NSMCE2: variants seen among roughly 807,000 people sequenced by gnomAD.
NSMCE2 encodes E3 SUMO-protein ligase NSE2.
A neutral mutation model predicts 23.8 loss-of-function variants in NSMCE2; 24 were observed. The ratio of observed to expected loss-of-function variants is 1.01; its 90% CI spans 0.73 to 1.42. The LOEUF is 1.42. Ranked by LOEUF, NSMCE2 falls within the 40% of genes most tolerant of loss-of-function variation. The pLI, the probability that NSMCE2 is intolerant of heterozygous loss-of-function variation, is 0.00. For missense variants in NSMCE2, 284 were observed against 296.5 expected (o/e 0.96, Z 0.31); for synonymous variants, 92 against 94.1 (o/e 0.98, Z 0.13).
At chr8:125,151,330 G>A in intron 4 of NSMCE2, 53 bp downstream of exon 4, 1 of 882,796 alleles carries the variant, frequency 1.1e-6, no homozygotes. Flanking sequence ...CACTGACCGA[G>A]AAGTAGAAAC....
intron 3 of NSMCE2, among the ~76,000 whole-genome samples, chr8:125,106,355 A>G (rs886133298): frequency 6.6e-6 from 1 of 152,174 alleles, no homozygotes; most frequent in Non-Finnish European, 1.5e-5. Context: ...GGTGAACACA[A>G]ATTTTTCAAA....
intron 5 of NSMCE2, among the ~76,000 whole-genome samples, chr8:125,205,085 TACCTGTAG>T (rs1824060552): frequency 1.3e-5 from 2 of 152,224 alleles, no homozygotes; most frequent in South Asian, 4.1e-4. Flanking sequence ...GTGTTCTCTT[TACCTGTAG>T]ACTTTCACTC....
intron 5 of NSMCE2, among the ~76,000 whole-genome samples, chr8:125,213,028 T>C (rs977845204): frequency 3.3e-5 from 5 of 152,216 alleles, no homozygotes; most frequent in African/African-American, 9.7e-5. Context: ...CCAAAAATTA[T>C]ATTGAGCAGT....
chr8:125,303,797 T>C (rs1344679565), intron 5 of NSMCE2, among the ~76,000 whole-genome samples: 2 of 152,204 alleles, frequency 1.3e-5, no homozygotes, highest in Non-Finnish European at 2.9e-5. Flanking sequence ...CCTCAGTTGC[T>C]CTCAGCTTCC....
chr8:125,206,538 A>G (rs17401491), intron 5 of NSMCE2, among the ~76,000 whole-genome samples: 4,355 of 152,332 alleles, frequency 0.029, 92 homozygotes, highest in Non-Finnish European at 0.045. Flanking sequence ...GAAGTGTTGT[A>G]GAAGTAGTAT....
intron 3 of NSMCE2, among the ~76,000 whole-genome samples, chr8:125,115,918 G>A (rs1329530316): frequency 6.6e-6 from 1 of 152,120 alleles, no homozygotes; most frequent in African/African-American, 2.4e-5. Context: ...CACTGAAAGA[G>A]GTCAATATCC....
chr8:125,201,429 C>A (rs770701678), intron 5 of NSMCE2, among the ~76,000 whole-genome samples: 1 of 152,186 alleles, frequency 6.6e-6, no homozygotes, highest in South Asian at 2.1e-4. Context: ...CAATCAGGTC[C>A]CTCAGCTGCA....
intron 5 of NSMCE2, among the ~76,000 whole-genome samples, chr8:125,238,384 T>C (rs1825640290): frequency 6.6e-6 from 1 of 152,214 alleles, no homozygotes; most frequent in South Asian, 2.1e-4. Context: ...GTTCAGCTTA[T>C]CTATGAATAT....
intron 5 of NSMCE2, among the ~76,000 whole-genome samples, chr8:125,351,837 C>A (rs1434695483): frequency 6.6e-6 from 1 of 151,712 alleles, no homozygotes; most frequent in Non-Finnish European, 1.5e-5. Flanking sequence ...ATGGTGAAAC[C>A]CCCATCTCTA....
At chr8:125,105,249 T>C (rs1414335947) in intron 3 of NSMCE2, among the ~76,000 whole-genome samples, 2 of 152,242 alleles carry the variant, frequency 1.3e-5, no homozygotes, top group Non-Finnish European at 2.9e-5. Context: ...TCATAATCTT[T>C]TTAGTGGGTG....
rs1427784743 is a variant in NSMCE2, at chr8:125,102,408, C to A, written c.78C>A (p.Ser26=). 6.2e-7 allele frequency: 1 copy of A among 1,613,418 alleles called. No homozygotes were observed. The highest frequency in any genetic ancestry group is 1.7e-5 in the Admixed American group (1 of 60,020). ...SFSGVESALS[S]LKNFQACINS... The stretch of plus-strand genomic sequence containing the variant: ...GTGGTGTAGAGTCTGCTCTCTCCTC[C>A]TTGAAAAACTTCCAAGCCTGTATCA... The change falls in exon 3 of 8, where the codon TCC becomes TCA. Residue 26 remains serine (S), a synonymous_variant. Transcript: ENST00000287437.
chr8:125,094,842 CCTTTT>C (rs201429577), intron 1 of NSMCE2, among the ~76,000 whole-genome samples: 1,844 of 152,218 alleles, frequency 0.012, 18 homozygotes, highest in Admixed American at 0.02. Flanking sequence ...GGCGTCTCTT[CCTTTT>C]CTTTTCTTTT....
intron 3 of NSMCE2, among the ~76,000 whole-genome samples, chr8:125,124,470 T>TTCTCTCTCTCTCTCTCTC (rs376240525): frequency 9.6e-4 from 141 of 146,300 alleles, no homozygotes; most frequent in African/African-American, 3.4e-3. Context: ...TCCTCAGGAT[T>TTCTCTCTCTCTCTCTCTC]TCTCTCTCTC....
chr8:125,226,678 A>G (rs1340255802), intron 5 of NSMCE2, among the ~76,000 whole-genome samples: 1 of 152,178 alleles, frequency 6.6e-6, no homozygotes, highest in Non-Finnish European at 1.5e-5. Flanking sequence ...GAATGAAAAC[A>G]TGATTTGGGT....
intron 5 of NSMCE2, among the ~76,000 whole-genome samples, chr8:125,220,084 G>C (rs922273853): frequency 1.3e-5 from 2 of 152,188 alleles, no homozygotes; most frequent in African/African-American, 4.8e-5. Flanking sequence ...TGGCTTTTTA[G>C]ATGTATTGCA....
Position 125,356,622 on chromosome 8 carries a change from C to T in NSMCE2, c.419-597C>T, listed in dbSNP as rs971531124. On this transcript the variant is annotated intron_variant, in intron 5 of 7. Coordinates refer to ENST00000287437, the MANE Select transcript of NSMCE2 (RefSeq NM_173685.4). ...GATTAAAGGCGTGAGCCACCGCAAC[C>T]GGCCTTATTGTTATTTTTTAATGAA... is the stretch of plus-strand genomic sequence containing the variant. 4.6e-5 allele frequency among the ~76,000 whole-genome samples: 7 copies of T among 152,080 alleles called. No homozygotes were observed. In the South Asian group the frequency reaches 6.2e-4, roughly 13 times the overall value.
At chr8:125,195,024 C>T (rs1362763030) in intron 5 of NSMCE2, among the ~76,000 whole-genome samples, 1 of 151,968 alleles carries the variant, frequency 6.6e-6, no homozygotes, top group Non-Finnish European at 1.5e-5. Flanking sequence ...TGAGCATCAC[C>T]TAGAAACTTA....
At chr8:125,217,420 G>A (rs1328499604) in intron 5 of NSMCE2, among the ~76,000 whole-genome samples, 1 of 151,900 alleles carries the variant, frequency 6.6e-6, no homozygotes, top group Non-Finnish European at 1.5e-5. Flanking sequence ...AAGTGCAGTG[G>A]CATGATCTCA....
At chr8:125,316,128 C>A (rs181533507) in intron 5 of NSMCE2, among the ~76,000 whole-genome samples, 1 of 152,276 alleles carries the variant, frequency 6.6e-6, no homozygotes, top group African/African-American at 2.4e-5. Context: ...CTTATCAATG[C>A]ATGATGATAA....
Sources: gnomAD v4.1 joint callset for allele counts (sites outside exome capture counted in the v4.1 genomes callset) on GRCh38, gnomAD v4.1.1 for gene constraint, MANE v1.5 for transcripts, NCBI Gene and HGNC (gene_info 2026-07-23, HGNC 2026-07-21) for gene names.